MAOB: variants seen among roughly 807,000 people sequenced by gnomAD.
MAOB encodes monoamine oxidase B.
In MAOB, 15 loss-of-function variants were observed where a neutral mutation model predicts 41.9. The observed-to-expected ratio is 0.36, with a 90% confidence interval of 0.24 to 0.55. The LOEUF (loss-of-function observed/expected upper bound fraction) is 0.55, where lower values mean the gene tolerates loss of function less well. MAOB is among the 20% of genes least tolerant of loss of function. The pLI, the probability that MAOB is intolerant of heterozygous loss-of-function variation, is 0.86. For missense variants in MAOB, 345 were observed against 398.7 expected (o/e 0.87, Z 1.15); for synonymous variants, 167 against 144.2 (o/e 1.16, Z -1.13).
chrX:43,767,533 G>C lies in MAOB; in HGVS notation c.1496C>G (p.Thr499Ser), dbSNP rs1028799694. The C allele has an allele frequency of 4.1e-6, 5 of 1,208,792 alleles. No homozygotes were observed. The African/African-American group carries it at 7.0e-5, about 17-fold the overall frequency. The change falls in exon 15 of 15, where the codon ACC becomes AGC. Residue 499 changes from threonine to serine, a missense_variant. Coordinates refer to ENST00000378069, the MANE Select transcript of MAOB (RefSeq NM_000898.5). ...AAGAGCCGTTGCTGAAAAGATGGTGGTCAATCCAATCAGCCTGAGCAGGCC... is the reference window on the plus strand; with the variant it reads ...AAGAGCCGTTGCTGAAAAGATGGTGCTCAATCCAATCAGCCTGAGCAGGCC... ...VPGLLRLIGL[T>S]TIFSATALGF... is the part of the protein sequence containing the mutation.
At chrX:43,828,360 C>A (rs1414298583) in intron 3 of MAOB, among the ~76,000 whole-genome samples, 3 of 111,370 alleles carry the variant, frequency 2.7e-5, no homozygotes, top group African/African-American at 9.8e-5. Context: ...CTCAAATGAG[C>A]AGCTTTAATA....
chrX:43,834,560 G>A (rs2035052525), intron 3 of MAOB, among the ~76,000 whole-genome samples: 1 of 112,131 alleles, frequency 8.9e-6, no homozygotes, highest in Non-Finnish European at 1.9e-5. Flanking sequence ...ATCGCAGATA[G>A]ATAGCTATGG....
chrX:43,840,636 A>T (rs1363159011), intron 2 of MAOB, among the ~76,000 whole-genome samples: 1 of 110,991 alleles, frequency 9.0e-6, no homozygotes, highest in Non-Finnish European at 1.9e-5. Context: ...CAGCCCATAG[A>T]GGATGAGCCT....
chrX:43,832,556 T>C (rs1042082825), intron 3 of MAOB, among the ~76,000 whole-genome samples: 5 of 111,928 alleles, frequency 4.5e-5, no homozygotes, highest in African/African-American at 1.3e-4. Flanking sequence ...CCACCTCCTC[T>C]TAACGAATAG....
chrX:43,800,748 G>A (rs1300840622), intron 5 of MAOB, among the ~76,000 whole-genome samples: 1 of 111,740 alleles, frequency 8.9e-6, no homozygotes, highest in African/African-American at 3.2e-5. Flanking sequence ...TTTTAATGAT[G>A]TAAAGTTTTT....
At chrX:43,857,900 C>T (rs1210372027) in intron 1 of MAOB, among the ~76,000 whole-genome samples, 1 of 112,014 alleles carries the variant, frequency 8.9e-6, no homozygotes, top group African/African-American at 3.2e-5. Flanking sequence ...TGAATAAAAA[C>T]ACTAAAATCA....
chrX:43,815,478 T>A lies in MAOB; in HGVS notation c.280-12074A>T, dbSNP rs192473799. Reference sequence around the variant, plus strand: ...TTTCCAGGAGAAATCTTGGCTCAAATAAAAGGCTGTTTCACCACAATATTA... The same window carrying A: ...TTTCCAGGAGAAATCTTGGCTCAAAAAAAAGGCTGTTTCACCACAATATTA... On this transcript the variant is annotated intron_variant, in intron 3 of 14. Coordinates refer to ENST00000378069, the MANE Select transcript of MAOB (RefSeq NM_000898.5). Among the ~76,000 whole-genome samples, 657 of 111,816 alleles carry A rather than the reference T, an allele frequency of 5.9e-3. 6 individuals carry two copies. Among genetic ancestry groups the A allele is most frequent in the African/African-American group, 0.02 (628 of 30,779 alleles).
intron 1 of MAOB, among the ~76,000 whole-genome samples, chrX:43,881,996 G>A (rs1020301464): frequency 2.0e-4 from 22 of 112,355 alleles, no homozygotes; most frequent in African/African-American, 6.8e-4. Flanking sequence ...AGCCTTCTGG[G>A]GGAGAAGTTC....
At chrX:43,779,196 C>T (rs999349846) in intron 10 of MAOB, among the ~76,000 whole-genome samples, 1 of 111,659 alleles carries the variant, frequency 9.0e-6, no homozygotes, top group African/African-American at 3.3e-5. Context: ...GAAATAAGTA[C>T]AGAAGTAGAA....
At chrX:43,828,213 G>A (rs1016390947) in intron 3 of MAOB, among the ~76,000 whole-genome samples, 2 of 111,919 alleles carry the variant, frequency 1.8e-5, no homozygotes, top group African/African-American at 6.5e-5. Context: ...TAAGTATGAA[G>A]TTATACAGAA....
chrX:43,853,267 CAAAAAA>C (rs397957481), intron 1 of MAOB, among the ~76,000 whole-genome samples: 1 of 26,446 alleles, frequency 3.8e-5, no homozygotes, highest in African/African-American at 1.5e-4. Flanking sequence ...GAGTCCGTCT[CAAAAAA>C]AAAAAAAAAA....
intron 3 of MAOB, among the ~76,000 whole-genome samples, chrX:43,810,016 G>A (rs1030187457): frequency 2.8e-5 from 3 of 105,907 alleles, no homozygotes; most frequent in Non-Finnish European, 3.8e-5. Flanking sequence ...GGCCGAGGCG[G>A]GCGGATCACG....
intron 1 of MAOB, among the ~76,000 whole-genome samples, chrX:43,869,913 A>G (rs952092236): frequency 1.8e-4 from 20 of 111,931 alleles, no homozygotes; most frequent in Non-Finnish European, 2.6e-4. Flanking sequence ...AAGACCTCCA[A>G]TCTATTAACA....
At chrX:43,855,930 C>T in intron 1 of MAOB, among the ~76,000 whole-genome samples, 1 of 111,286 alleles carries the variant, frequency 9.0e-6, no homozygotes, top group East Asian at 2.8e-4. Flanking sequence ...TGGCAGCAGC[C>T]TAAATCTGAA....
intron 11 of MAOB, among the ~76,000 whole-genome samples, chrX:43,777,491 A>T (rs1437193907): frequency 9.0e-6 from 1 of 111,724 alleles, no homozygotes; most frequent in East Asian, 2.8e-4. Flanking sequence ...CATGTGTTTC[A>T]CCTGTATCAA....
rs146118699 is a variant in MAOB at position 43,802,453 on chromosome X, T to C, written c.385-190A>G. Among the ~76,000 whole-genome samples the C allele has an allele frequency of 3.5e-3, 397 of 112,297 alleles. 2 individuals are homozygous for C. Among genetic ancestry groups the C allele is most frequent in the Middle Eastern group, 0.019 (4 of 216 alleles). On this transcript the variant is annotated intron_variant, in intron 4 of 14. Coordinates refer to ENST00000378069, the MANE Select transcript of MAOB (RefSeq NM_000898.5). ...TACTGCATAATCAATGCTGTCTATG[T>C]AGCTTTCCTATTATAAATCTGTACC...
At chrX:43,821,037 C>T (rs1471724496) in intron 3 of MAOB, among the ~76,000 whole-genome samples, 1 of 111,805 alleles carries the variant, frequency 8.9e-6, no homozygotes, top group African/African-American at 3.3e-5. Context: ...TAAATGAGAT[C>T]ATATATGCAA....
At chrX:43,865,785 CTTT>C (rs1167310007) in intron 1 of MAOB, among the ~76,000 whole-genome samples, 2 of 94,271 alleles carry the variant, frequency 2.1e-5, no homozygotes, top group Non-Finnish European at 2.1e-5. Context: ...TGCCCAAAAG[CTTT>C]TTTTTTTTTT....
At chrX:43,823,623 G>C (rs767322613) in intron 3 of MAOB, among the ~76,000 whole-genome samples, 15 of 111,806 alleles carry the variant, frequency 1.3e-4, no homozygotes, top group South Asian at 3.7e-4. Context: ...TGAGGCAAAG[G>C]CTGTTTCTTT....
Sources: gnomAD v4.1 joint callset for allele counts (sites outside exome capture counted in the v4.1 genomes callset) on GRCh38, gnomAD v4.1.1 for gene constraint, MANE v1.5 for transcripts, NCBI Gene and HGNC (gene_info 2026-07-23, HGNC 2026-07-21) for gene names.